The following TMEM161B variants were observed in gnomAD, a reference collection of about 807,000 sequenced individuals.
TMEM161B encodes transmembrane protein 161B.
In TMEM161B, 34 loss-of-function variants were observed where a neutral mutation model predicts 61.8. The observed-to-expected ratio is 0.55, with a 90% CI of 0.42 to 0.73. The LOEUF is 0.73. Ranked by LOEUF, TMEM161B falls within the 30% of genes least tolerant of loss-of-function variation. The pLI, the probability that TMEM161B is intolerant of heterozygous loss-of-function variation, is 0.00. For missense variants in TMEM161B, 456 were observed against 558.5 expected (o/e 0.82, Z 1.85); for synonymous variants, 167 against 192.8 (o/e 0.87, Z 1.11).
chr5:88,243,345 G>T (rs183885984), intron 1 of TMEM161B, among the ~76,000 whole-genome samples: 8 of 151,836 alleles, frequency 5.3e-5, no homozygotes, highest in Admixed American at 2.0e-4. Context: ...GCGGTATTTG[G>T]TTTTCTGTTC....
chr5:88,201,451 T>C (rs1744391380), intron 9 of TMEM161B: 1 of 152,032 alleles, frequency 6.6e-6, no homozygotes, highest in Non-Finnish European at 1.5e-5. Context: ...ATTTCATGTA[T>C]AAAATAGGAT....
Position 88,207,173 on chromosome 5 carries a change from G to T in TMEM161B, c.454C>A (p.Leu152Ile). ...AAATAGTGTGTAGTTAATGAAAATA[G>T]AACTTTGCTGCAGAAGGAAAAGTTC... Reference protein sequence around the residue: ...LLVLSFAIKVLFSLTTHYFKV... With the variant: ...LLVLSFAIKVIFSLTTHYFKV... The change falls in exon 6 of 12, where the codon CTA becomes ATA. Residue 152 changes from leucine (L) to isoleucine (I), a missense_variant. Leu to Ile is a conservative substitution (Grantham distance 5). Around this residue, in one of 3 missense-constraint regions of TMEM161B, gnomAD observed 367 missense variants for 427.3 expected, o/e 0.86. Transcript: ENST00000296595. 1 of 1,604,526 alleles carries T rather than the reference G, an allele frequency of 6.2e-7. No homozygotes were observed. Among genetic ancestry groups the T allele is most frequent in the South Asian group, 1.1e-5 (1 of 88,348 alleles).
chr5:88,247,674 T>A (rs1480687904), intron 1 of TMEM161B, among the ~76,000 whole-genome samples: 1 of 152,072 alleles, frequency 6.6e-6, no homozygotes, highest in Non-Finnish European at 1.5e-5. Context: ...CAAGTTCACA[T>A]AAAACTTAGA....
At chr5:88,207,696 C>T (rs1266289634) in intron 5 of TMEM161B, among the ~76,000 whole-genome samples, 2 of 152,214 alleles carry the variant, frequency 1.3e-5, no homozygotes, top group East Asian at 3.9e-4. Context: ...GCAAAAGTTT[C>T]AACATGTTCA....
chr5:88,195,057 A>G lies in TMEM161B; in HGVS notation c.*1154T>C, dbSNP rs1047005520. On this transcript the variant is annotated 3_prime_UTR_variant, in exon 12 of 12. Transcript: ENST00000296595. ...CAAGTCCTATTTAACAAAGGCATAC[A>G]TGATACCTGTAGACCTGATTTGAGA... The G allele has an allele frequency of 1.4e-6, 1 of 733,688 alleles. No individual in the cohort carries two copies. Among genetic ancestry groups the G allele is most frequent in the Non-Finnish European group, 1.7e-6 (1 of 600,066 alleles). The allele number at this position is 733,688 out of a possible 1,614,324, so 45.4% of individuals were successfully genotyped here. A position where few individuals can be genotyped will look rare whatever the true frequency, so the allele number is the denominator to read the frequency against.
At chr5:88,188,558 G>C (rs544317143), downstream of TMEM161B, among the ~76,000 whole-genome samples, 1 of 152,170 alleles carries the variant, frequency 6.6e-6, no homozygotes, top group Non-Finnish European at 1.5e-5. Context: ...GTGTCAACTT[G>C]ATTGGACTGA....
intron 1 of TMEM161B, among the ~76,000 whole-genome samples, chr5:88,246,690 T>C (rs1458472836): frequency 6.6e-6 from 1 of 152,040 alleles, no homozygotes; most frequent in African/African-American, 2.4e-5. Context: ...AGCAGAACTT[T>C]GAAATGTTCA....
chr5:88,206,637 AT>A (rs928972619), intron 6 of TMEM161B, 138 bp from the exon 7 acceptor site: 6 of 840,676 alleles, frequency 7.1e-6, no homozygotes, highest in Non-Finnish European at 1.1e-5. Context: ...TCATGTGTTA[AT>A]TAGTATGCCA....
chr5:88,232,253 A>G (rs1326777843), intron 2 of TMEM161B, among the ~76,000 whole-genome samples: 1 of 152,238 alleles, frequency 6.6e-6, no homozygotes, highest in African/African-American at 2.4e-5. Context: ...ACATGCATGT[A>G]TGGACCACTC....
chr5:88,220,218 A>G (rs1748659868), intron 5 of TMEM161B, among the ~76,000 whole-genome samples: 1 of 152,176 alleles, frequency 6.6e-6, no homozygotes, highest in Non-Finnish European at 1.5e-5. Flanking sequence ...AGAAGGGAAG[A>G]AAAGGGAAGA....
At chr5:88,186,537 T>G (rs769031072), downstream of TMEM161B, among the ~76,000 whole-genome samples, 3 of 152,286 alleles carry the variant, frequency 2.0e-5, no homozygotes, top group Non-Finnish European at 4.4e-5. Flanking sequence ...GTCTTTTGTC[T>G]CGTTTTGCAA....
chr5:88,189,876 T>C, exon 13 of TMEM161B: 1 of 584,702 alleles, frequency 1.7e-6, no homozygotes, highest in Non-Finnish European at 3.0e-6. Context: ...CCCTAAACTA[T>C]TTTTGATAGT....
intron 5 of TMEM161B, among the ~76,000 whole-genome samples, chr5:88,218,551 G>A (rs1301200900): frequency 6.6e-6 from 1 of 152,160 alleles, no homozygotes; most frequent in Non-Finnish European, 1.5e-5. Context: ...ACTCTGGAAG[G>A]CCAAGGCAGG....
rs33709 is a variant in TMEM161B, at chr5:88,212,366, T to C, written c.447-5186A>G. ...ACTAAATTCTAATAGGAAAGAAAAG[T>C]CAAGGACAAGTAGGACAATTTCCTC... On this transcript the variant is annotated intron_variant, in intron 5 of 11. Transcript: ENST00000296595. Among the ~76,000 whole-genome samples, 989 of 152,158 alleles carry C rather than the reference T, an allele frequency of 6.5e-3. 15 individuals are homozygous for C. Among genetic ancestry groups the C allele is most frequent in the African/African-American group, 0.023 (942 of 41,528 alleles).
At chr5:88,205,332 C>T (rs1204254449) in intron 8 of TMEM161B, among the ~76,000 whole-genome samples, 1 of 152,000 alleles carries the variant, frequency 6.6e-6, no homozygotes, top group Non-Finnish European at 1.5e-5. Context: ...TAATAAGAGT[C>T]TAATAAGCAG....
At chr5:88,257,304 C>G (rs1302553561) in intron 1 of TMEM161B, among the ~76,000 whole-genome samples, 1 of 152,010 alleles carries the variant, frequency 6.6e-6, no homozygotes, top group Non-Finnish European at 1.5e-5. Context: ...AACAAAAACA[C>G]CTTTCCTTTT....
At chr5:88,237,124 T>C (rs966394466) in intron 2 of TMEM161B, among the ~76,000 whole-genome samples, 23 of 152,142 alleles carry the variant, frequency 1.5e-4, no homozygotes, top group African/African-American at 5.3e-4. Flanking sequence ...TTAAAACTTG[T>C]TTTGTCATTT....
downstream of TMEM161B, among the ~76,000 whole-genome samples, chr5:88,191,661 T>C (rs529153485): frequency 1.7e-4 from 26 of 152,150 alleles, no homozygotes; most frequent in Admixed American, 3.3e-4. Context: ...TTATCAGATT[T>C]AGAAATACAT....
intron 1 of TMEM161B, among the ~76,000 whole-genome samples, chr5:88,254,066 T>C (rs1321335632): frequency 2.0e-5 from 3 of 151,786 alleles, no homozygotes; most frequent in Non-Finnish European, 4.4e-5. Context: ...GAACCAACAT[T>C]AGGGAGGTGC....
Sources: gnomAD v4.1 joint callset for allele counts (sites outside exome capture counted in the v4.1 genomes callset) on GRCh38, gnomAD v4.1.1 for gene constraint, gnomAD v4.1.1 regional missense constraint, MANE v1.5 for transcripts, NCBI Gene and HGNC (gene_info 2026-07-23, HGNC 2026-07-21) for gene names.